The following EIF4G3 variants were observed in gnomAD, a reference collection of about 807,000 sequenced individuals.
The protein encoded by EIF4G3 is eIF-4-gamma 3.
In EIF4G3, 34 loss-of-function variants were observed where a neutral mutation model predicts 186.4. The observed-to-expected ratio is 0.18, with a 90% CI of 0.14 to 0.24. EIF4G3 has a LOEUF of 0.24. EIF4G3 is among the 10% of genes least tolerant of loss of function. The pLI is 1.00. For missense variants in EIF4G3, 1,536 were observed against 1,948.5 expected, an observed-to-expected ratio of 0.79 and a Z score of 3.99; for synonymous variants, 673 against 679.5, an observed-to-expected ratio of 0.99 and a Z score of 0.15.
At chr1:21,035,648 A>G (rs969666368) in intron 4 of EIF4G3, among the ~76,000 whole-genome samples, 1 of 152,230 alleles carries the variant, frequency 6.6e-6, no homozygotes, top group Non-Finnish European at 1.5e-5. Flanking sequence ...CAAAGACCAC[A>G]GGAGAGTGGC....
At chr1:20,962,428 T>C (rs2073531869) in intron 12 of EIF4G3, among the ~76,000 whole-genome samples, 1 of 152,148 alleles carries the variant, frequency 6.6e-6, no homozygotes, top group South Asian at 2.1e-4. Context: ...GTATCATAAG[T>C]TTACATCATC....
chr1:20,835,446 GT>G (rs2066466148), intron 30 of EIF4G3, among the ~76,000 whole-genome samples: 1 of 152,046 alleles, frequency 6.6e-6, no homozygotes, highest in Non-Finnish European at 1.5e-5. Context: ...ACTCGGAGTT[GT>G]ATTTTTGGAA....
chr1:20,823,449 G>C (rs961998097), intron 33 of EIF4G3, among the ~76,000 whole-genome samples: 41 of 151,836 alleles, frequency 2.7e-4, no homozygotes, highest in Non-Finnish European at 4.1e-4. Context: ...TGGTGTGATC[G>C]TATCTCACTG....
At chr1:20,886,126 A>G (rs1482206601) in intron 19 of EIF4G3, 75 bp downstream of exon 19, 2 of 1,485,328 alleles carry the variant, frequency 1.3e-6, no homozygotes, top group East Asian at 2.3e-5. Flanking sequence ...CTCTAGAAAC[A>G]TTAGCAAAGC....
chr1:21,049,090 C>G (rs1252704325), intron 4 of EIF4G3, among the ~76,000 whole-genome samples: 1 of 152,190 alleles, frequency 6.6e-6, no homozygotes, highest in Non-Finnish European at 1.5e-5. Flanking sequence ...CTGTGGGAAA[C>G]AGATATGCAG....
chr1:21,152,151 C>G (rs1245865379), intron 2 of EIF4G3, among the ~76,000 whole-genome samples: 3 of 151,942 alleles, frequency 2.0e-5, no homozygotes, highest in African/African-American at 7.3e-5. Context: ...CAGGCAAGCT[C>G]AGAAGTACAC....
intron 2 of EIF4G3, among the ~76,000 whole-genome samples, chr1:21,124,045 C>T (rs539794126): frequency 3.3e-5 from 5 of 152,214 alleles, no homozygotes; most frequent in African/African-American, 1.2e-4. Flanking sequence ...AATCCCAGCA[C>T]TTTGGGAGGC....
At chr1:21,111,407 G>A (rs2096723549) in intron 2 of EIF4G3, 1 of 471,218 alleles carries the variant, frequency 2.1e-6, no homozygotes, top group Non-Finnish European at 4.4e-6. Flanking sequence ...GCAAAATAAG[G>A]CTTATGATGG....
intron 20 of EIF4G3, among the ~76,000 whole-genome samples, chr1:20,874,023 T>A (rs1052663403): frequency 6.6e-6 from 1 of 152,186 alleles, no homozygotes; most frequent in African/African-American, 2.4e-5. Flanking sequence ...CATGATCTCA[T>A]TTCTTTTTAT....
intron 2 of EIF4G3, among the ~76,000 whole-genome samples, chr1:21,134,779 T>C (rs1169859620): frequency 2.0e-5 from 3 of 152,194 alleles, no homozygotes; most frequent in Non-Finnish European, 4.4e-5. Flanking sequence ...GGAGGGTACA[T>C]GCAAGAGACT....
chr1:20,825,053 A>G, intron 33 of EIF4G3, 47 bp downstream of exon 33: 1 of 1,275,748 alleles, frequency 7.8e-7, no homozygotes. Context: ...TCCTCTATGA[A>G]ATAGATCAAC....
intron 2 of EIF4G3, among the ~76,000 whole-genome samples, chr1:21,103,135 G>A (rs1220930430): frequency 6.6e-6 from 1 of 152,134 alleles, no homozygotes; most frequent in Non-Finnish European, 1.5e-5. Context: ...AAGCATTGGT[G>A]TGATTTGTTT....
rs1558081479 is a variant in EIF4G3, at chr1:21,126,031, G to GT, written c.-271-36819dup. On this transcript the variant is annotated intron_variant, in intron 2 of 36. Transcript: ENST00000602326. ...CCAGCCTGGGCAACATGGCAAAACCGTGTCTCTACAACAATTACAAAAATT... is the reference window on the plus strand; with the variant it reads ...CCAGCCTGGGCAACATGGCAAAACCGTTGTCTCTACAACAATTACAAAAATT... Among the ~76,000 whole-genome samples the GT allele has an allele frequency of 4.0e-5, 6 of 151,258 alleles. No individual in the cohort carries two copies. In the South Asian group the frequency reaches 1.3e-3, roughly 32 times the overall value.
Position 21,002,727 on chromosome 1 carries a change from G to C in EIF4G3, c.16C>G (p.Gln6Glu). 1 of 1,613,682 alleles carries C rather than the reference G, an allele frequency of 6.2e-7. No individual in the cohort carries two copies. The change falls in exon 5 of 37, where the codon CAA becomes GAA. Residue 6 changes from glutamine (Q) to glutamate (E), a missense_variant. This residue lies in a region of EIF4G3 where 194 missense variants were observed against 212.8 expected (regional missense o/e 0.91). Coordinates refer to ENST00000602326, the MANE Select transcript of EIF4G3 (RefSeq NM_001391906.1). MNSQP[Q>E]TRSPPSRTVP... is the part of the protein sequence containing the mutation. ...TGCTTACTTACCGGAGAACGGGTTT[G>C]AGGTTGTGAATTCATTGTCTGAGGG...
intron 2 of EIF4G3, among the ~76,000 whole-genome samples, chr1:21,133,604 A>G (rs1424075504): frequency 6.6e-6 from 1 of 152,226 alleles, no homozygotes; most frequent in Non-Finnish European, 1.5e-5. Context: ...GTGAAGATGC[A>G]ACTATCAAAA....
chr1:20,843,200 G>A lies in EIF4G3; in HGVS notation c.3889-2172C>T, dbSNP rs562789882. Among the ~76,000 whole-genome samples, 25 of 151,480 alleles carry A rather than the reference G, an allele frequency of 1.7e-4. No individual in the cohort carries two copies. The South Asian group carries it at 5.3e-3, about 32-fold the overall frequency. On this transcript the variant is annotated intron_variant, in intron 29 of 36. Transcript: ENST00000602326. ...ACATCATTGTTATGCCTTTTCAAGA[G>A]GACTTGTAAATGAATGCAAATATTC... is the stretch of plus-strand genomic sequence containing the variant.
chr1:20,978,090 T>C (rs1015500714), intron 10 of EIF4G3, among the ~76,000 whole-genome samples: 1 of 152,192 alleles, frequency 6.6e-6, no homozygotes, highest in Non-Finnish European at 1.5e-5. Context: ...AATAATCCCA[T>C]TGTTTTCTAT....
chr1:20,827,852 G>A (rs888375576), intron 31 of EIF4G3, among the ~76,000 whole-genome samples, 154 bp from the exon 32 acceptor site: 2 of 152,064 alleles, frequency 1.3e-5, no homozygotes, highest in Non-Finnish European at 2.9e-5. Flanking sequence ...GTCATTTTCA[G>A]GAGAAGTTCC....
At chr1:21,104,097 T>C (rs1271501722) in intron 2 of EIF4G3, among the ~76,000 whole-genome samples, 1 of 152,176 alleles carries the variant, frequency 6.6e-6, no homozygotes, top group Non-Finnish European at 1.5e-5. Context: ...AATCCCTACA[T>C]GAAATACTCT....
Sources: gnomAD v4.1 joint callset for allele counts (sites outside exome capture counted in the v4.1 genomes callset) on GRCh38, gnomAD v4.1.1 for gene constraint, gnomAD v4.1.1 regional missense constraint, MANE v1.5 for transcripts, NCBI Gene and HGNC (gene_info 2026-07-23, HGNC 2026-07-21) for gene names.